WDR33: variants seen among roughly 807,000 people sequenced by gnomAD.
WDR33 encodes the protein pre-mRNA 3' end processing protein WDR33.
A neutral mutation model predicts 164.9 loss-of-function variants in WDR33; 47 were observed. That is an observed-to-expected ratio of 0.29 (90% CI 0.23 to 0.36). The LOEUF (loss-of-function observed/expected upper bound fraction) is 0.36, where lower values mean the gene tolerates loss of function less well. Ranked by LOEUF, WDR33 falls within the 10% of genes least tolerant of loss-of-function variation. WDR33 has a pLI of 1.00. For missense variants in WDR33, 1,137 were observed against 1,754.1 expected (o/e 0.65, Z 6.28); for synonymous variants, 505 against 589.0 (o/e 0.86, Z 2.06).
chr2:127,788,051 C>T, intron 1 of WDR33, among the ~76,000 whole-genome samples: 1 of 80,642 alleles, frequency 1.2e-5, no homozygotes. Flanking sequence ...CCGGACGGGG[C>T]GGCTGGCCGG....
At chr2:127,760,874 T>G (rs942059033) in intron 7 of WDR33, among the ~76,000 whole-genome samples, 2 of 152,182 alleles carry the variant, frequency 1.3e-5, no homozygotes, top group African/African-American at 2.4e-5. Context: ...GAAATTTCCA[T>G]AGTAAAAACC....
intron 1 of WDR33, among the ~76,000 whole-genome samples, chr2:127,806,353 A>AT (rs940590920): frequency 7.2e-5 from 11 of 151,826 alleles, no homozygotes; most frequent in Admixed American, 1.3e-4. Flanking sequence ...GACTACAGGC[A>AT]TGCGCAACCA....
intron 1 of WDR33, among the ~76,000 whole-genome samples, chr2:127,809,428 CTTTTTTTT>C (rs70985478): frequency 4.9e-4 from 46 of 94,632 alleles, no homozygotes; most frequent in South Asian, 3.0e-3. Context: ...AGCCAAATTC[CTTTTTTTT>C]TTTTTTTTTT....
chr2:127,701,390 C>T lies in WDR33; in HGVS notation c.*4933G>A. ...ACACCACAAAAGTCCGCAGAGCAGGCACCGCGGCACTTCCGCGAGCGCCGC... is the reference window on the plus strand; with the variant it reads ...ACACCACAAAAGTCCGCAGAGCAGGTACCGCGGCACTTCCGCGAGCGCCGC... On this transcript the variant is annotated 3_prime_UTR_variant, in exon 22 of 22. Coordinates refer to ENST00000322313, the MANE Select transcript of WDR33 (RefSeq NM_018383.5). 2 of 823,336 alleles carry T rather than the reference C, an allele frequency of 2.4e-6. No individual in the cohort carries two copies. The highest frequency in any genetic ancestry group is 3.2e-6 in the Non-Finnish European group (2 of 618,880). The allele number at this position is 823,336 out of a possible 1,614,324, so 51.0% of individuals were successfully genotyped here.
intron 7 of WDR33, chr2:127,737,582 G>C: frequency 1.0e-6 from 1 of 991,996 alleles, no homozygotes; most frequent in Non-Finnish European, 1.2e-6. Context: ...AGAAAGGCCA[G>C]TACCTACACT....
intron 21 of WDR33, among the ~76,000 whole-genome samples, chr2:127,707,651 G>A (rs1332059220): frequency 6.6e-6 from 1 of 152,188 alleles, no homozygotes; most frequent in Non-Finnish European, 1.5e-5. Context: ...TGATACATAA[G>A]GTAATTTCTG....
chr2:127,763,117 G>A lies in WDR33; in HGVS notation c.669C>T (p.Asp223=), dbSNP rs750376799. 21 of 1,613,934 alleles carry A rather than the reference G, an allele frequency of 1.3e-5. No homozygotes were observed. Among genetic ancestry groups the A allele is most frequent in the Middle Eastern group, 1.6e-4 (1 of 6,084 alleles). ...GAAAGTCCCAGATTCTAACAGTGCC[G>A]TCATCAGAGCATGTAGCAAATTTAT... ...TDNKFATCSD[D]GTVRIWDFLR... The change falls in exon 7 of 22, where the codon GAC becomes GAT. Residue 223 remains aspartate, a synonymous_variant. Coordinates refer to ENST00000322313, the MANE Select transcript of WDR33 (RefSeq NM_018383.5). The surrounding 1 kb of genome is among the most constrained non-coding windows in gnomAD (Gnocchi z 4.5).
At chr2:127,758,203 C>G (rs914724971) in intron 7 of WDR33, among the ~76,000 whole-genome samples, 1 of 152,050 alleles carries the variant, frequency 6.6e-6, no homozygotes, top group African/African-American at 2.4e-5. Flanking sequence ...ACCTGAATAC[C>G]TAGTTTCCTC....
At chr2:127,752,596 CAAAAAAAAAAA>C (rs34369142) in intron 7 of WDR33, among the ~76,000 whole-genome samples, 6 of 76,596 alleles carry the variant, frequency 7.8e-5, no homozygotes, top group Admixed American at 1.5e-4. Flanking sequence ...GACTCCGTCT[CAAAAAAAAAAA>C]AAAAAAAAAA....
chr2:127,729,697 G>A (rs1034648932), intron 7 of WDR33, among the ~76,000 whole-genome samples: 1 of 152,076 alleles, frequency 6.6e-6, no homozygotes, highest in Non-Finnish European at 1.5e-5. Flanking sequence ...TGGTTTCACT[G>A]TGTTAGCCAG....
At chr2:127,806,492 C>T (rs902857178) in intron 1 of WDR33, among the ~76,000 whole-genome samples, 2 of 152,110 alleles carry the variant, frequency 1.3e-5, no homozygotes, top group East Asian at 1.9e-4. Context: ...CAGGCGTGAG[C>T]CACTGCGCCC....
intron 1 of WDR33, among the ~76,000 whole-genome samples, chr2:127,802,634 T>G (rs944112631): frequency 1.3e-5 from 2 of 152,134 alleles, no homozygotes; most frequent in Non-Finnish European, 2.9e-5. Context: ...CACAGGTGCT[T>G]AAAAATTTTT....
At chr2:127,804,261 C>T (rs1047756845) in intron 1 of WDR33, among the ~76,000 whole-genome samples, 1 of 152,026 alleles carries the variant, frequency 6.6e-6, no homozygotes, top group African/African-American at 2.4e-5. Flanking sequence ...GCGGAGCTTG[C>T]AGTGAGCCAA....
rs1441787965 is a variant in WDR33, at chr2:127,706,612, C to A, written c.3782-60G>T. The A allele has an allele frequency of 1.1e-5, 16 of 1,468,544 alleles. No homozygotes were observed. Among genetic ancestry groups the A allele is most frequent in the African/African-American group, 1.4e-5 (1 of 71,350 alleles). 91.0% of individuals were successfully genotyped at this position (1,468,544 alleles called of 1,614,324 possible). On this transcript the variant is annotated intron_variant, in intron 21 of 21. Transcript: ENST00000322313. The surrounding 1 kb of genome is among the most constrained non-coding windows in gnomAD (Gnocchi z 5.1). ...TATTAGCAACTGTTTGTCAGTAACTCCCAGTACAAACTTTACTCTCTGATG... is the reference window on the plus strand; with the variant it reads ...TATTAGCAACTGTTTGTCAGTAACTACCAGTACAAACTTTACTCTCTGATG...
rs532513112 is a variant in WDR33, at chr2:127,734,362, A to G, written c.725-7585T>C. On this transcript the variant is annotated intron_variant, in intron 7 of 21. Transcript: ENST00000322313. Reference sequence around the variant, plus strand: ...TAAACGTTCCTTCAGAGTCCTAGCTAAATGACCAGTGACAGAATTAGCATC... The same window carrying G: ...TAAACGTTCCTTCAGAGTCCTAGCTGAATGACCAGTGACAGAATTAGCATC... 2.0e-5 allele frequency among the ~76,000 whole-genome samples: 3 copies of G among 152,230 alleles called. No individual in the cohort carries two copies. The South Asian group carries it at 6.2e-4, about 32-fold the overall frequency.
In WDR33 at chr2:127,747,718, C is replaced by CT. The variant is rs1350296751; in HGVS notation, c.724+15343dup. ...AATTGCTCCGTTTTGTAAAAACATA[C>CT]TGCTGGCATCATTTCAGCTGGTTCC... On this transcript the variant is annotated intron_variant, in intron 7 of 21. Transcript: ENST00000322313. 3.3e-5 allele frequency among the ~76,000 whole-genome samples: 5 copies of CT among 152,326 alleles called. No homozygotes were observed. The East Asian group carries it at 9.6e-4, about 29-fold the overall frequency.
At chr2:127,751,566 A>C (rs916299813) in intron 7 of WDR33, among the ~76,000 whole-genome samples, 1 of 151,742 alleles carries the variant, frequency 6.6e-6, no homozygotes, top group African/African-American at 2.4e-5. Flanking sequence ...AATAATAATA[A>C]ATTTTAAAAT....
chr2:127,775,199 T>A (rs1319595443), intron 1 of WDR33, among the ~76,000 whole-genome samples: 1 of 152,058 alleles, frequency 6.6e-6, no homozygotes, highest in Non-Finnish European at 1.5e-5. Context: ...AAAAAAAAAT[T>A]TTTTTTTGAG....
intron 7 of WDR33, among the ~76,000 whole-genome samples, chr2:127,760,061 A>G (rs1687633174): frequency 6.6e-6 from 1 of 152,174 alleles, no homozygotes; most frequent in South Asian, 2.1e-4. Flanking sequence ...AGGCAAGACA[A>G]GTTGTAAGGA....
Sources: allele counts gnomAD v4.1 joint callset (sites outside exome capture counted in the v4.1 genomes callset), GRCh38; gene constraint gnomAD v4.1.1; non-coding constraint Gnocchi (gnomAD v3.1); transcripts MANE v1.5; gene names NCBI Gene and HGNC (gene_info 2026-07-23, HGNC 2026-07-21).